The following AGMO variants were observed in gnomAD, a reference collection of about 807,000 sequenced individuals.
AGMO encodes glyceryl-ether monooxygenase.
A neutral mutation model predicts 60.2 loss-of-function variants in AGMO; 75 were observed. The ratio of observed to expected loss-of-function variants is 1.25; its 90% CI spans 1.03 to 1.51. AGMO has a LOEUF of 1.51. Among genes scored for constraint, AGMO ranks in the 40% most tolerant of loss-of-function variants. The pLI is 0.00. For missense variants in AGMO, 763 were observed against 525.5 expected, an observed-to-expected ratio of 1.45 and a Z score of -4.42; for synonymous variants, 261 against 177.1, an observed-to-expected ratio of 1.47 and a Z score of -3.76.
chr7:15,350,048 T>G (rs1440931803), intron 12 of AGMO, among the ~76,000 whole-genome samples: 1 of 152,162 alleles, frequency 6.6e-6, no homozygotes, highest in East Asian at 1.9e-4. Flanking sequence ...ACACTGATTA[T>G]TCTCTTGATT....
At chr7:15,432,361 T>TACATACAC (rs1781275318) in intron 3 of AGMO, among the ~76,000 whole-genome samples, 1 of 123,940 alleles carries the variant, frequency 8.1e-6, no homozygotes, top group African/African-American at 3.0e-5. Context: ...CATATATATA[T>TACATACAC]ACACACACAT....
intron 3 of AGMO, among the ~76,000 whole-genome samples, chr7:15,469,776 A>G (rs17168775): frequency 0.15 from 22,969 of 152,106 alleles, 2,715 homozygotes; most frequent in East Asian, 0.6. Context: ...AGAAGTTTCC[A>G]TCTTAACACA....
chr7:15,234,369 CA>C (rs556771527), intron 12 of AGMO, among the ~76,000 whole-genome samples: 51 of 152,304 alleles, frequency 3.3e-4, no homozygotes, highest in African/African-American at 1.2e-3. Context: ...CTTTCCCCCA[CA>C]CAGCAAAAGT....
At chr7:15,503,909 T>A (rs1783448012) in intron 3 of AGMO, among the ~76,000 whole-genome samples, 1 of 152,036 alleles carries the variant, frequency 6.6e-6, no homozygotes, top group Non-Finnish European at 1.5e-5. Context: ...TATTTTACTC[T>A]GTAATAAGTA....
chr7:15,120,226 T>C, the AGMO span, among the ~76,000 whole-genome samples: 1 of 152,040 alleles, frequency 6.6e-6, no homozygotes, highest in African/African-American at 2.4e-5. Flanking sequence ...CCCCACTAGA[T>C]TTTACCCTCA....
chr7:15,497,729 C>G (rs1340370928), intron 3 of AGMO, among the ~76,000 whole-genome samples: 1 of 151,956 alleles, frequency 6.6e-6, no homozygotes, highest in Non-Finnish European at 1.5e-5. Context: ...GACTTAATGA[C>G]TATATATTTC....
chr7:15,479,209 A>G (rs1268021481), intron 3 of AGMO, among the ~76,000 whole-genome samples: 1 of 152,170 alleles, frequency 6.6e-6, no homozygotes, highest in Non-Finnish European at 1.5e-5. Flanking sequence ...CTAAAATAAG[A>G]GATGCTCTCA....
the AGMO span, among the ~76,000 whole-genome samples, chr7:15,170,266 G>C: frequency 8.5e-5 from 13 of 152,168 alleles, no homozygotes; most frequent in African/African-American, 2.9e-4. Flanking sequence ...TGGATCTCTT[G>C]ATTTGTGAGA....
At chr7:15,132,611 C>A in the AGMO span, among the ~76,000 whole-genome samples, 3 of 152,044 alleles carry the variant, frequency 2.0e-5, no homozygotes, top group African/African-American at 7.2e-5. Flanking sequence ...GTGATACAAG[C>A]AAAGTGGATT....
At chr7:15,524,256 ATC>A (rs1784069095) in intron 3 of AGMO, among the ~76,000 whole-genome samples, 1 of 152,060 alleles carries the variant, frequency 6.6e-6, no homozygotes, top group South Asian at 2.1e-4. Flanking sequence ...CATATATTCT[ATC>A]TCTGTCCACT....
At chr7:15,235,661 A>G (rs1047246139) in intron 12 of AGMO, among the ~76,000 whole-genome samples, 2 of 152,156 alleles carry the variant, frequency 1.3e-5, no homozygotes, top group African/African-American at 4.8e-5. Context: ...TAAAGAAAGA[A>G]AATAGAGATA....
chr7:15,463,378 T>C (rs1782195928), intron 3 of AGMO, among the ~76,000 whole-genome samples: 1 of 152,142 alleles, frequency 6.6e-6, no homozygotes, highest in Non-Finnish European at 1.5e-5. Flanking sequence ...TGTATTTGTG[T>C]CACAATAGCT....
chr7:15,314,238 C>T (rs1780848883), intron 12 of AGMO, among the ~76,000 whole-genome samples: 1 of 152,088 alleles, frequency 6.6e-6, no homozygotes, highest in Non-Finnish European at 1.5e-5. Flanking sequence ...CAATTTAAAA[C>T]TCATTAATTG....
At chr7:15,488,684 C>T (rs1176846119) in intron 3 of AGMO, among the ~76,000 whole-genome samples, 1 of 152,046 alleles carries the variant, frequency 6.6e-6, no homozygotes, top group Non-Finnish European at 1.5e-5. Flanking sequence ...TACTTAAAAA[C>T]ATTTGAAGAT....
chr7:15,248,302 A>T (rs371388566), intron 12 of AGMO, among the ~76,000 whole-genome samples: 15 of 146,996 alleles, frequency 1.0e-4, no homozygotes, highest in African/African-American at 3.0e-4. Context: ...TCCTCTTGCC[A>T]TTAATATATA....
chr7:15,430,939 A>T (rs1781219283), intron 4 of AGMO, 66 bp downstream of exon 4: 1 of 468,214 alleles, frequency 2.1e-6, no homozygotes, highest in Non-Finnish European at 3.2e-6. Context: ...TTTTTGAGGA[A>T]ATAGAAATAG....
intron 3 of AGMO, among the ~76,000 whole-genome samples, chr7:15,444,536 C>T (rs1349823921): frequency 6.6e-6 from 1 of 152,206 alleles, no homozygotes; most frequent in African/African-American, 2.4e-5. Context: ...TTTGAACTTT[C>T]TAAAACATTT....
chr7:15,239,722 T>TATC (rs1191431268), intron 12 of AGMO, among the ~76,000 whole-genome samples: 2 of 152,162 alleles, frequency 1.3e-5, no homozygotes, highest in Non-Finnish European at 2.9e-5. Context: ...TTTCATTTGC[T>TATC]ATCAATCAAC....
intron 12 of AGMO, among the ~76,000 whole-genome samples, chr7:15,312,547 G>T (rs1204097917): frequency 6.6e-6 from 1 of 151,044 alleles, no homozygotes; most frequent in Non-Finnish European, 1.5e-5. Context: ...CGGGGGCGGT[G>T]GGGGGAGGTT....
Sources: allele counts gnomAD v4.1 joint callset (sites outside exome capture counted in the v4.1 genomes callset), GRCh38; gene constraint gnomAD v4.1.1; transcripts MANE v1.5; gene names NCBI Gene and HGNC (gene_info 2026-07-23, HGNC 2026-07-21).